Variants in SLC35G2 observed in about 807,000 individuals in gnomAD.
SLC35G2 encodes solute carrier family 35 member G2.
Under a neutral mutation model 27.2 loss-of-function variants are expected in SLC35G2, and 20 were observed. That is an observed-to-expected ratio of 0.74 (90% CI 0.52 to 1.07). SLC35G2 has a LOEUF of 1.07. Among genes scored for constraint, SLC35G2 ranks in the 50% least tolerant of loss-of-function variants. The pLI, the probability that SLC35G2 is intolerant of heterozygous loss-of-function variation, is 0.00. For missense variants in SLC35G2, 416 were observed against 493.3 expected, an observed-to-expected ratio of 0.84 and a Z score of 1.48; for synonymous variants, 148 against 165.3, an observed-to-expected ratio of 0.90 and a Z score of 0.80.
chr3:136,832,951 C>T lies in SLC35G2; in HGVS notation c.-19+13323C>T, dbSNP rs568957099. On this transcript the variant is annotated intron_variant, in intron 1 of 1. Coordinates refer to ENST00000446465, the MANE Select transcript of SLC35G2 (RefSeq NM_025246.3). ...AGGCATGGTGGCGGGCGCCTGTAGT[C>T]CCAGCTACTTGGGAGGCTGAGGCAG... 5.3e-5 allele frequency among the ~76,000 whole-genome samples: 8 copies of T among 152,034 alleles called. No individual in the cohort carries two copies. The East Asian group carries it at 1.6e-3, about 29-fold the overall frequency.
intron 1 of SLC35G2, among the ~76,000 whole-genome samples, chr3:136,849,959 T>G (rs1433940139): frequency 6.6e-6 from 1 of 151,870 alleles, no homozygotes; most frequent in African/African-American, 2.4e-5. Flanking sequence ...ATACAAAAAT[T>G]AGCCAGGCGT....
intron 1 of SLC35G2, among the ~76,000 whole-genome samples, chr3:136,823,956 G>A (rs1046578980): frequency 3.9e-5 from 6 of 151,944 alleles, no homozygotes; most frequent in South Asian, 2.1e-4. Flanking sequence ...TTGTTTTCCC[G>A]GTATCATTTA....
rs1936388722 is a variant in SLC35G2, at chr3:136,819,445, G to C, written c.-202G>C. 6.6e-6 allele frequency: 1 copy of C among 152,320 alleles called. No homozygotes were observed. The highest frequency in any genetic ancestry group is 1.5e-5 in the Non-Finnish European group (1 of 68,112). The allele number at this position is 152,320 out of a possible 1,614,324, so 9.4% of individuals were successfully genotyped here. Reference sequence around the variant, plus strand: ...CTGCACGACGCCTGAAAGGCCGCGGGGCCCGCATTTCTCTGTGCTGCCCTC... The same window carrying C: ...CTGCACGACGCCTGAAAGGCCGCGGCGCCCGCATTTCTCTGTGCTGCCCTC... On this transcript the variant is annotated 5_prime_UTR_variant, in exon 1 of 2. Transcript: ENST00000446465.
chr3:136,848,833 A>G (rs1179418170), intron 1 of SLC35G2, among the ~76,000 whole-genome samples: 2 of 152,134 alleles, frequency 1.3e-5, no homozygotes, highest in South Asian at 2.1e-4. Flanking sequence ...ATTGGGTGCA[A>G]TGCTCACTAT....
intron 1 of SLC35G2, among the ~76,000 whole-genome samples, chr3:136,851,586 T>G (rs77776801): frequency 6.8e-6 from 1 of 147,542 alleles, no homozygotes; most frequent in East Asian, 2.0e-4. Flanking sequence ...TTAGGGTATA[T>G]ATGGAGAATG....
intron 1 of SLC35G2, chr3:136,838,242 T>C (rs1221229884): frequency 9.7e-5 from 5 of 51,488 alleles, no homozygotes; most frequent in Non-Finnish European, 1.5e-4. Flanking sequence ...TGCAGTAGCA[T>C]ATACATATAT....
rs199767936 is a variant in SLC35G2 at position 136,854,997 on chromosome 3, C to G, written c.537C>G (p.Ile179Met). 1.9e-6 allele frequency: 3 copies of G among 1,614,180 alleles called. No homozygotes were observed. The highest frequency in any genetic ancestry group is 2.5e-6 in the Non-Finnish European group (3 of 1,180,042). ...FFYGVCNVIS[I>M]TCAYTSFSIV... ...ATGGTGTATGCAATGTCATTTCTAT[C>G]ACTTGTGCTTATACATCATTTTCAA... Residue 179 changes from isoleucine to methionine, a missense_variant, in exon 2 of 2, where the codon ATC becomes ATG. Physicochemically the swap from Ile to Met is conservative, Grantham distance 10 (BLOSUM62 1). Transcript: ENST00000446465.
chr3:136,847,311 C>CT (rs1212938592), intron 1 of SLC35G2, among the ~76,000 whole-genome samples: 6 of 152,314 alleles, frequency 3.9e-5, no homozygotes, highest in East Asian at 1.9e-4. Flanking sequence ...TCTGTGGACT[C>CT]TAAGTCCCAA....
At chr3:136,850,307 G>C (rs1937583712) in intron 1 of SLC35G2, among the ~76,000 whole-genome samples, 1 of 152,062 alleles carries the variant, frequency 6.6e-6, no homozygotes, top group South Asian at 2.1e-4. Flanking sequence ...TTACCCTCCT[G>C]TCACTCCTGA....
At chr3:136,828,107 G>A (rs1234754334) in intron 1 of SLC35G2, among the ~76,000 whole-genome samples, 1 of 152,206 alleles carries the variant, frequency 6.6e-6, no homozygotes, top group African/African-American at 2.4e-5. Flanking sequence ...GATTACAGGC[G>A]TGAGCCACCG....
chr3:136,849,554 C>T (rs1056421934), intron 1 of SLC35G2, among the ~76,000 whole-genome samples: 108 of 151,566 alleles, frequency 7.1e-4, no homozygotes, highest in African/African-American at 2.5e-3. Flanking sequence ...TGCAGTGGTG[C>T]GATCTTGGCT....
At chr3:136,845,620 CAG>C (rs1297017140) in intron 1 of SLC35G2, among the ~76,000 whole-genome samples, 1 of 147,992 alleles carries the variant, frequency 6.8e-6, no homozygotes, top group East Asian at 2.0e-4. Flanking sequence ...TTTTTTGAGA[CAG>C]AGTCTCGCTC....
At chr3:136,850,440 C>G (rs971570033) in intron 1 of SLC35G2, among the ~76,000 whole-genome samples, 1 of 151,948 alleles carries the variant, frequency 6.6e-6, no homozygotes, top group Non-Finnish European at 1.5e-5. Flanking sequence ...TACCACTAAG[C>G]ATATCTTTTC....
Position 136,854,464 on chromosome 3 carries a change from G to C in SLC35G2, c.4G>C (p.Asp2His). The change falls in exon 2 of 2, where the codon GAT becomes CAT. Residue 2 changes from aspartate (D) to histidine (H), a missense_variant. By Grantham distance (81) the Asp-to-His change is moderately conservative. Coordinates refer to ENST00000446465, the MANE Select transcript of SLC35G2 (RefSeq NM_025246.3). M[D>H]TSPSRKYPVK... ...ATAGAATTGATTATCTGAAGAAATG[G>C]ATACTTCTCCCTCCAGAAAATATCC... The C allele has an allele frequency of 6.4e-7, 1 of 1,566,054 alleles. No individual in the cohort carries two copies. Among genetic ancestry groups the C allele is most frequent in the Non-Finnish European group, 8.6e-7 (1 of 1,156,966 alleles).
chr3:136,848,992 C>T (rs1306570756), intron 1 of SLC35G2, among the ~76,000 whole-genome samples: 1 of 152,076 alleles, frequency 6.6e-6, no homozygotes, highest in Non-Finnish European at 1.5e-5. Flanking sequence ...CCAGCCTGAC[C>T]AGCATGGAGA....
chr3:136,829,875 G>C (rs1462186918), intron 1 of SLC35G2, among the ~76,000 whole-genome samples: 2 of 152,020 alleles, frequency 1.3e-5, no homozygotes, highest in Non-Finnish European at 2.9e-5. Context: ...TTGGGAGTTT[G>C]ATTATTAAAT....
intron 1 of SLC35G2, among the ~76,000 whole-genome samples, chr3:136,840,544 CCCTT>C (rs1464792652): frequency 1.7e-4 from 25 of 148,936 alleles, no homozygotes; most frequent in African/African-American, 5.9e-4. Flanking sequence ...CTCCCTCTCT[CCCTT>C]CCTTCTCTTT....
chr3:136,848,955 G>A (rs933732525), intron 1 of SLC35G2, among the ~76,000 whole-genome samples: 1 of 152,228 alleles, frequency 6.6e-6, no homozygotes, highest in South Asian at 2.1e-4. Flanking sequence ...TGAGGCAGGC[G>A]GATCACCTGA....
At chr3:136,823,145 A>C (rs1936500044) in intron 1 of SLC35G2, among the ~76,000 whole-genome samples, 1 of 151,902 alleles carries the variant, frequency 6.6e-6, no homozygotes, top group Admixed American at 6.6e-5. Context: ...TTTGATTTGC[A>C]TTTTTCTGAT....
Sources: gnomAD v4.1 joint callset for allele counts (sites outside exome capture counted in the v4.1 genomes callset) on GRCh38, gnomAD v4.1.1 for gene constraint, MANE v1.5 for transcripts, NCBI Gene and HGNC (gene_info 2026-07-23, HGNC 2026-07-21) for gene names.